The following GGA1 variants were observed in gnomAD, a reference collection of about 807,000 sequenced individuals.
GGA1 encodes the protein ADP-ribosylation factor-binding protein GGA1.
Under a neutral mutation model 76.9 loss-of-function variants are expected in GGA1, and 18 were observed. The ratio of observed to expected loss-of-function variants is 0.23; its 90% CI spans 0.16 to 0.35. The LOEUF (loss-of-function observed/expected upper bound fraction) is 0.35, where lower values mean the gene tolerates loss of function less well. GGA1 is among the 10% of genes least tolerant of loss of function. The probability of loss-of-function intolerance (pLI) is 1.00; values close to 1 mark genes in which losing one functional copy is unlikely to be tolerated. For missense variants in GGA1, 755 were observed against 859.0 expected (o/e 0.88, Z 1.51); for synonymous variants, 342 against 354.7 (o/e 0.96, Z 0.40).
Position 37,624,119 on chromosome 22 carries a change from G to T in GGA1, c.832+486G>T, listed in dbSNP as rs561433413. 1 of 167,542 alleles carries T rather than the reference G, an allele frequency of 6.0e-6. No homozygotes were observed. The highest frequency in any genetic ancestry group is 1.3e-4 in the South Asian group (1 of 7,698). The allele number at this position is 167,542 out of a possible 1,614,324, so 10.4% of individuals were successfully genotyped here. ...GTTCTTTTCCTTGATCTCTGCCCAC[G>T]TGTCAGCCTGGGCCACTTGGGCTGC... On this transcript the variant is annotated intron_variant, in intron 9 of 16. Coordinates refer to ENST00000343632, the MANE Select transcript of GGA1 (RefSeq NM_013365.5). This position sits in a 1 kb window ranked among gnomAD's most constrained non-coding sequence, Gnocchi z 4.3.
Position 37,625,745 on chromosome 22 carries a change from T to G in GGA1, c.941-52T>G. The G allele has an allele frequency of 7.1e-7, 1 of 1,412,260 alleles. No individual in the cohort carries two copies. The highest frequency in any genetic ancestry group is 9.5e-7 in the Non-Finnish European group (1 of 1,055,586). 87.5% of individuals were successfully genotyped at this position (1,412,260 alleles called of 1,614,324 possible). A position where few individuals can be genotyped will look rare whatever the true frequency, so the allele number is the denominator to read the frequency against. On this transcript the variant is annotated intron_variant, in intron 10 of 16. Transcript: ENST00000343632. The surrounding 1 kb of genome is among the most constrained non-coding windows in gnomAD (Gnocchi z 4.1). ...GCTCCCCCGCAACCCCTGTGGACTC[T>G]GAGAGACACGTGTACACCCAGGACT...
Position 37,625,957 on chromosome 22 carries a change from AG to A in GGA1, c.1093+12del. ...ACGAGCTCATGTCTCTGGGTGAGGA[AG>A]GGGCCAGGCCTGGAGGAGGGCGGGC... On this transcript the variant is annotated intron_variant, in intron 11 of 16. Coordinates refer to ENST00000343632, the MANE Select transcript of GGA1 (RefSeq NM_013365.5). This position sits in a 1 kb window ranked among gnomAD's most constrained non-coding sequence, Gnocchi z 4.1. 1 of 1,585,182 alleles carries A rather than the reference AG, an allele frequency of 6.3e-7. No individual in the cohort carries two copies.
chr22:37,626,221 G>A (rs1330343176), intron 11 of GGA1: 2 of 338,054 alleles, frequency 5.9e-6, no homozygotes, highest in Admixed American at 9.6e-5. Flanking sequence ...AGCCTGGGGG[G>A]AAACCAGGGG....
chr22:37,620,352 A>C lies in GGA1; in HGVS notation c.418A>C (p.Lys140Gln). 1 of 1,613,956 alleles carries C rather than the reference A, an allele frequency of 6.2e-7. No individual in the cohort carries two copies. The highest frequency in any genetic ancestry group is 8.5e-7 in the Non-Finnish European group (1 of 1,179,956). ...AATCGCAGAGGCCTACCAGATGCTA[A>C]AGAAGCAGGGTGAGGCACACAGAGG... ...VKIAEAYQMLKKQGIVKSDPK... is the reference protein window; with the variant it reads ...VKIAEAYQMLQKQGIVKSDPK... Residue 140 changes from lysine to glutamine, a missense_variant, in exon 5 of 17, where the codon AAG (lysine) becomes CAG (glutamine). Transcript: ENST00000343632.
chr22:37,618,961 G>T (rs1929328410), intron 4 of GGA1, among the ~76,000 whole-genome samples: 1 of 152,164 alleles, frequency 6.6e-6, no homozygotes, highest in Non-Finnish European at 1.5e-5. Flanking sequence ...AACCTCCCTG[G>T]ACCTCAGCAT....
In GGA1 at chr22:37,624,898, G is replaced by T; in HGVS notation, c.833-71G>T. ...ACACACAGGCTGTGATGGATGTGGG[G>T]TCCTCGTCCCCTGCCGCCCAGAGGC... On this transcript the variant is annotated intron_variant, in intron 9 of 16. Coordinates refer to ENST00000343632, the MANE Select transcript of GGA1 (RefSeq NM_013365.5). The surrounding 1 kb of genome is among the most constrained non-coding windows in gnomAD (Gnocchi z 4.3). The T allele has an allele frequency of 6.6e-7, 1 of 1,525,418 alleles. No individual in the cohort carries two copies. The highest frequency in any genetic ancestry group is 8.8e-7 in the Non-Finnish European group (1 of 1,130,518). The allele number at this position is 1,525,418 out of a possible 1,614,324, so 94.5% of individuals were successfully genotyped here.
chr22:37,609,063 C>A (rs1215601142), intron 1 of GGA1, 160 bp downstream of exon 1: 2 of 1,489,040 alleles, frequency 1.3e-6, no homozygotes, highest in South Asian at 1.2e-5. Context: ...GACCCTGGAG[C>A]GATGGAGGAC....
chr22:37,630,801 C>T (rs1931663804), intron 13 of GGA1, 102 bp from the exon 14 acceptor site: 1 of 787,318 alleles, frequency 1.3e-6, no homozygotes. Context: ...CTCCTGAGCT[C>T]AAGCGATCTG....
At chr22:37,620,069 A>C in intron 4 of GGA1, 169 bp from the exon 5 acceptor site, 1 of 691,640 alleles carries the variant, frequency 1.4e-6, no homozygotes, top group Non-Finnish European at 2.6e-6. Flanking sequence ...TGGCAGGGGT[A>C]GTAGGTGAAC....
intron 3 of GGA1, chr22:37,618,178 G>C: frequency 2.7e-6 from 1 of 371,540 alleles, no homozygotes. Context: ...TTGGTACTCA[G>C]ATGTGGGGCC....
In GGA1 at chr22:37,623,688, C is replaced by T. The variant is rs1235129756; in HGVS notation, c.832+55C>T. Reference sequence around the variant, plus strand: ...TCCCCCCCTCTCCCTCCACCTCCTGCCCCCACCTCCCCCAGGCCCTGCTAA... The same window carrying T: ...TCCCCCCCTCTCCCTCCACCTCCTGTCCCCACCTCCCCCAGGCCCTGCTAA... On this transcript the variant is annotated intron_variant, in intron 9 of 16. Coordinates refer to ENST00000343632, the MANE Select transcript of GGA1 (RefSeq NM_013365.5). This position sits in a 1 kb window ranked among gnomAD's most constrained non-coding sequence, Gnocchi z 4.6. 1.7e-6 allele frequency: 2 copies of T among 1,171,434 alleles called. No individual in the cohort carries two copies. The highest frequency in any genetic ancestry group is 2.5e-6 in the Non-Finnish European group (2 of 808,084). 72.6% of individuals were successfully genotyped at this position (1,171,434 alleles called of 1,614,324 possible). A position where few individuals can be genotyped will look rare whatever the true frequency, so the allele number is the denominator to read the frequency against.
chr22:37,621,805 C>G, intron 7 of GGA1, 109 bp downstream of exon 7: 2 of 676,148 alleles, frequency 3.0e-6, no homozygotes, highest in East Asian at 3.0e-5. Context: ...TGCAGTGACC[C>G]GGGCTGGCAC....
chr22:37,618,461 G>T lies in GGA1; in HGVS notation c.218G>T (p.Cys73Phe). Residue 73 changes from cysteine to phenylalanine, a missense_variant, in exon 4 of 17, where the codon TGC becomes TTC. By Grantham distance (205) the Cys-to-Phe change is radical (BLOSUM62 -2). Transcript: ENST00000343632. ...CTCCCTGCACAGGTGCTGGAAACAT[G>T]CATGAAGAGCTGCGGCAAGCGGTTC... ...AIQALTVLET[C>F]MKSCGKRFHD... The T allele has an allele frequency of 1.9e-6, 3 of 1,608,104 alleles. No individual in the cohort carries two copies. The highest frequency in any genetic ancestry group is 2.6e-6 in the Non-Finnish European group (3 of 1,174,584).
At chr22:37,620,195 G>A (rs1929621951) in intron 4 of GGA1, 43 bp from the exon 5 acceptor site, 1 of 1,610,854 alleles carries the variant, frequency 6.2e-7, no homozygotes, top group Non-Finnish European at 8.5e-7. Context: ...TGAAGTGAGT[G>A]GGGCTGGGCA....
At position 37,632,279 on chromosome 22, in the gene GGA1, G is replaced by C. The variant is rs1931959392; in HGVS notation, c.1698+114G>C. ...GTCTCCCTCCCTTGCTGGGTGGTTGGTGTAGAAGGGACCAGAAGGACTGAG... is the reference window on the plus strand; with the variant it reads ...GTCTCCCTCCCTTGCTGGGTGGTTGCTGTAGAAGGGACCAGAAGGACTGAG... On this transcript the variant is annotated intron_variant, in intron 15 of 16. Transcript: ENST00000343632. The surrounding 1 kb of genome is among the most constrained non-coding windows in gnomAD (Gnocchi z 5.1). 9.1e-6 allele frequency: 12 copies of C among 1,315,082 alleles called. No homozygotes were observed. In the South Asian group the frequency reaches 1.4e-4, roughly 15 times the overall value. 81.5% of individuals were successfully genotyped at this position (1,315,082 alleles called of 1,614,324 possible).
chr22:37,619,379 A>T (rs1322580136), intron 4 of GGA1, among the ~76,000 whole-genome samples: 27 of 108,058 alleles, frequency 2.5e-4, no homozygotes, highest in African/African-American at 6.6e-4. Context: ...TACCGTGAAC[A>T]TTTTTTTTTT....
chr22:37,631,194 C>A, intron 14 of GGA1, 95 bp downstream of exon 14: 1 of 1,055,752 alleles, frequency 9.5e-7, no homozygotes, highest in Non-Finnish European at 1.3e-6. Context: ...AGCAGGGCTC[C>A]CCTGGCTCTG....
chr22:37,612,973 A>G, intron 1 of GGA1: 1 of 985,404 alleles, frequency 1.0e-6, no homozygotes, highest in Non-Finnish European at 1.2e-6. Context: ...AGTCTTCCCC[A>G]GAACCTCACC....
In GGA1 at chr22:37,614,169, AC is replaced by A; in HGVS notation, c.44-17del. The A allele has an allele frequency of 1.3e-6, 2 of 1,565,066 alleles. No individual in the cohort carries two copies. The highest frequency in any genetic ancestry group is 1.8e-6 in the Non-Finnish European group (2 of 1,136,074). On this transcript the variant is annotated intron_variant, in intron 1 of 16. Coordinates refer to ENST00000343632, the MANE Select transcript of GGA1 (RefSeq NM_013365.5). Reference sequence around the variant, plus strand: ...GGAATCCCACTGCCGGGCCACAATGACCCCAGCTCTCCTCTTCCAGATAGAG... The same window carrying A: ...GGAATCCCACTGCCGGGCCACAATGACCCAGCTCTCCTCTTCCAGATAGAG...
Sources: allele counts gnomAD v4.1 joint callset (sites outside exome capture counted in the v4.1 genomes callset), GRCh38; gene constraint gnomAD v4.1.1; non-coding constraint Gnocchi (gnomAD v3.1); transcripts MANE v1.5; gene names NCBI Gene and HGNC (gene_info 2026-07-23, HGNC 2026-07-21).